FOXP1: variants seen among roughly 807,000 people sequenced by gnomAD.
FOXP1 encodes the protein forkhead box P1, also known as forkhead box protein P1.
FOXP1 carries 15 observed loss-of-function variants against 98.2 expected under a neutral mutation model. The ratio of observed to expected loss-of-function variants is 0.15; its 90% confidence interval spans 0.10 to 0.24. The LOEUF (loss-of-function observed/expected upper bound fraction) is 0.24, where lower values mean the gene tolerates loss of function less well. Among genes scored for constraint, FOXP1 ranks in the 10% least tolerant of loss-of-function variants. The pLI is 1.00. For synonymous variants in FOXP1, 371 were observed against 314.5 expected (o/e 1.18, Z -1.90); for missense variants, 633 against 848.5 (o/e 0.75, Z 3.15).
intron 5 of FOXP1, among the ~76,000 whole-genome samples, chr3:71,271,299 G>A (rs1339358515): frequency 6.6e-6 from 1 of 152,210 alleles, no homozygotes; most frequent in Non-Finnish European, 1.5e-5. Flanking sequence ...TACAAATGTA[G>A]GGAGAGAGAA....
At chr3:71,414,670 G>A (rs1464468493) in intron 3 of FOXP1, among the ~76,000 whole-genome samples, 2 of 152,346 alleles carry the variant, frequency 1.3e-5, no homozygotes, top group Admixed American at 1.3e-4. Context: ...TAAGGGGAGA[G>A]GGCACGAGGA....
chr3:71,105,010 C>G (rs758195187), intron 7 of FOXP1, among the ~76,000 whole-genome samples: 1 of 152,198 alleles, frequency 6.6e-6, no homozygotes, highest in Non-Finnish European at 1.5e-5. Context: ...TGCCTCATAC[C>G]TACAACCAAT....
At chr3:71,414,341 T>C (rs1448190028) in intron 3 of FOXP1, among the ~76,000 whole-genome samples, 1 of 152,168 alleles carries the variant, frequency 6.6e-6, no homozygotes, top group Non-Finnish European at 1.5e-5. Flanking sequence ...CTCGGGGCCC[T>C]GCACATTGGA....
At chr3:71,082,481 T>TG (rs573696168) in intron 7 of FOXP1, among the ~76,000 whole-genome samples, 280 of 68,368 alleles carry the variant, frequency 4.1e-3, no homozygotes, top group Middle Eastern at 7.0e-3. Flanking sequence ...TGTCAGGGGG[T>TG]GGGGGGTAGG....
intron 3 of FOXP1, among the ~76,000 whole-genome samples, chr3:71,426,170 G>C (rs2084136939): frequency 6.6e-6 from 1 of 152,224 alleles, no homozygotes; most frequent in South Asian, 2.1e-4. Flanking sequence ...AGGTAGGTCT[G>C]AGGATTGAAA....
At chr3:71,470,819 T>G (rs1224368296) in intron 3 of FOXP1, among the ~76,000 whole-genome samples, 1 of 152,234 alleles carries the variant, frequency 6.6e-6, no homozygotes, top group African/African-American at 2.4e-5. Flanking sequence ...TCTCATAAAC[T>G]TCAACTATTC....
At position 70,959,103 on chromosome 3, in the gene FOXP1, A is replaced by G; in HGVS notation, c.*144T>C. The G allele has an allele frequency of 1.1e-6, 1 of 920,220 alleles. No homozygotes were observed. The highest frequency in any genetic ancestry group is 1.7e-6 in the Non-Finnish European group (1 of 588,232). 57.0% of individuals were successfully genotyped at this position (920,220 alleles called of 1,614,324 possible). A position where few individuals can be genotyped will look rare whatever the true frequency, so the allele number is the denominator to read the frequency against. ...GGGGTTCTTGATGGCACTAAGAGTT[A>G]ACACATTTCAGAGTTGTCAAAACGT... On this transcript the variant is annotated 3_prime_UTR_variant, in exon 21 of 21. Transcript: ENST00000649528.
rs547653364 is a variant in FOXP1 at position 71,434,537 on chromosome 3, T to C, written c.-168+58889A>G. 8.5e-5 allele frequency among the ~76,000 whole-genome samples: 13 copies of C among 152,202 alleles called. No individual in the cohort carries two copies. In the South Asian group the frequency reaches 2.7e-3, roughly 31 times the overall value. On this transcript the variant is annotated intron_variant, in intron 3 of 20. Transcript: ENST00000649528. ...TACACTTGTGCAAATTAAAGAAATG[T>C]ACACACAAAAACACTATATAGCCTT...
chr3:71,180,849 G>A (rs73839424), intron 6 of FOXP1, among the ~76,000 whole-genome samples: 1,810 of 152,290 alleles, frequency 0.012, 25 homozygotes, highest in African/African-American at 0.041. Context: ...GGCAAACTGT[G>A]TCCTTAACTC....
At chr3:71,454,800 A>C (rs1387271541) in intron 3 of FOXP1, among the ~76,000 whole-genome samples, 3 of 56,574 alleles carry the variant, frequency 5.3e-5, no homozygotes, top group Non-Finnish European at 1.9e-4. Flanking sequence ...TCTTTAAAAA[A>C]AAAAACAAAA....
intron 6 of FOXP1, among the ~76,000 whole-genome samples, chr3:71,137,971 A>C (rs2107975321): frequency 6.6e-6 from 1 of 152,182 alleles, no homozygotes; most frequent in South Asian, 2.1e-4. Context: ...GGATGTGAGA[A>C]CGGCCTTACA....
At chr3:71,512,418 C>T (rs552393220) in intron 2 of FOXP1, among the ~76,000 whole-genome samples, 24 of 152,196 alleles carry the variant, frequency 1.6e-4, no homozygotes, top group African/African-American at 5.8e-4. Flanking sequence ...GAAGAAATCC[C>T]CACCCAAAAA....
rs1294543465 is a variant in FOXP1, at chr3:70,977,685, T to A, written c.1386A>T (p.Ala462=). 3 of 1,614,216 alleles carry A rather than the reference T, an allele frequency of 1.9e-6. No individual in the cohort carries two copies. The highest frequency in any genetic ancestry group is 2.5e-6 in the Non-Finnish European group (3 of 1,180,024). The change falls in exon 16 of 21, where the codon GCA becomes GCT. Residue 462 remains alanine, a synonymous_variant. Coordinates refer to ENST00000649528, the MANE Select transcript of FOXP1 (RefSeq NM_001349338.3). ...CATATGTAAATGGTGGTCTAACTTC[T>A]GCGTTCTTATAAAATTCTTGGTTCT... The part of the protein sequence containing the change: ...IAQNQEFYKN[A]EVRPPFTYAS...
At chr3:71,549,657 G>A (rs2045620011) in intron 2 of FOXP1, among the ~76,000 whole-genome samples, 1 of 152,232 alleles carries the variant, frequency 6.6e-6, no homozygotes, top group Middle Eastern at 3.4e-3. Context: ...TTACAGGCAT[G>A]AGCCACCACA....
chr3:71,134,692 T>C (rs1206703108), intron 6 of FOXP1, among the ~76,000 whole-genome samples: 4 of 152,196 alleles, frequency 2.6e-5, no homozygotes, highest in South Asian at 4.1e-4. Flanking sequence ...GCTGGGAGTA[T>C]TGTCTAACTG....
At chr3:70,998,373 G>A (rs2041669817) in intron 13 of FOXP1, among the ~76,000 whole-genome samples, 1 of 152,150 alleles carries the variant, frequency 6.6e-6, no homozygotes, top group African/African-American at 2.4e-5. Context: ...ATGTTCTTCA[G>A]ATTTTTCCCT....
intron 7 of FOXP1, chr3:71,065,616 C>A (rs894694090): frequency 6.6e-6 from 1 of 152,200 alleles, no homozygotes; most frequent in Non-Finnish European, 1.5e-5. Context: ...AAATAACAAC[C>A]AAACGTGCCT....
chr3:71,240,809 T>C lies in FOXP1; in HGVS notation c.-11-42417A>G, dbSNP rs560353949. 6.6e-5 allele frequency among the ~76,000 whole-genome samples: 10 copies of C among 151,784 alleles called. No homozygotes were observed. The East Asian group carries it at 7.9e-4, about 12-fold the overall frequency. On this transcript the variant is annotated intron_variant, in intron 5 of 20. Transcript: ENST00000649528. Reference sequence around the variant, plus strand: ...ATCTGCCCGCCCTGGCCTCCCAAAGTACTGGGATTACAGGCGTGAGCCACA... The same window carrying C: ...ATCTGCCCGCCCTGGCCTCCCAAAGCACTGGGATTACAGGCGTGAGCCACA...
At chr3:71,441,152 C>T (rs913834229) in intron 3 of FOXP1, among the ~76,000 whole-genome samples, 3 of 152,180 alleles carry the variant, frequency 2.0e-5, no homozygotes, top group Non-Finnish European at 2.9e-5. Flanking sequence ...CTTAGCAGTG[C>T]CTTTAGTAAG....
Sources: gnomAD v4.1 joint callset for allele counts (sites outside exome capture counted in the v4.1 genomes callset) on GRCh38, gnomAD v4.1.1 for gene constraint, MANE v1.5 for transcripts, NCBI Gene and HGNC (gene_info 2026-07-23, HGNC 2026-07-21) for gene names.